DDX11: variants seen among roughly 807,000 people sequenced by gnomAD.
The protein encoded by DDX11 is DEAD/H-box helicase 11, also known as ATP-dependent DNA helicase DDX11.
DDX11 carries 72 observed loss-of-function variants against 125.2 expected under a neutral mutation model. The ratio of observed to expected loss-of-function variants is 0.58; its 90% CI spans 0.48 to 0.70. DDX11 has a LOEUF of 0.70. DDX11 is among the 30% of genes least tolerant of loss of function. The pLI is 0.00. For synonymous variants in DDX11, 347 were observed against 452.6 expected (o/e 0.77, Z 2.96); for missense variants, 883 against 1,165.0 (o/e 0.76, Z 3.52).
intron 12 of DDX11, chr12:31,094,215 G>A (rs1014674831): frequency 1.3e-4 from 42 of 328,980 alleles, no homozygotes; most frequent in Non-Finnish European, 2.0e-4. Context: ...AGCTGGTCTC[G>A]TGTTGCTGCT....
chr12:31,102,254 A>T lies in DDX11; in HGVS notation c.2214A>T (p.Glu738Asp). The T allele has an allele frequency of 1.9e-6, 3 of 1,614,006 alleles. No homozygotes were observed. Among genetic ancestry groups the T allele is most frequent in the East Asian group, 2.2e-5 (1 of 44,872 alleles). Residue 738 changes from glutamate to aspartate, a missense_variant, in exon 22 of 27, where the codon GAA becomes GAT. Glu to Asp is a conservative substitution (Grantham distance 45). Around this residue, in one of 5 missense-constraint regions of DDX11, gnomAD observed 285 missense variants for 346.0 expected, o/e 0.82. Coordinates refer to ENST00000542838, the MANE Select transcript of DDX11 (RefSeq NM_030653.4). ...TCTGTCTTTCTCAGATATTCCAGGA[A>T]CCTAAGAGCGCACACCAGGTGGAGC... The part of the protein sequence containing the change: ...RLAARKKIFQ[E>D]PKSAHQVEQV...
rs142397784 is a variant in DDX11, at chr12:31,097,979, G to T, written c.1857G>T (p.Ala619=). ...AGGAATGCCGGGCAGTGGTCATTGCGGGGGGTACCATGCAGCCGGTAAGGA... is the reference window on the plus strand; with the variant it reads ...AGGAATGCCGGGCAGTGGTCATTGCTGGGGGTACCATGCAGCCGGTAAGGA... ...VVKECRAVVI[A]GGTMQPVSDF... Residue 619 remains alanine (A), a synonymous_variant, in exon 18 of 27, where the codon GCG becomes GCT. Coordinates refer to ENST00000542838, the MANE Select transcript of DDX11 (RefSeq NM_030653.4). The T allele has an allele frequency of 3.1e-6, 5 of 1,612,662 alleles. No individual in the cohort carries two copies. The African/African-American group carries it at 5.3e-5, about 17-fold the overall frequency.
rs1344433639 is a variant in DDX11 at position 31,078,537 on chromosome 12, T to G, written c.144T>G (p.Thr48=). The G allele has an allele frequency of 6.2e-7, 1 of 1,611,918 alleles. No homozygotes were observed. The highest frequency in any genetic ancestry group is 1.7e-5 in the Admixed American group (1 of 60,008). The part of the protein sequence containing the change: ...KIGIFESPTG[T]GKSLSLICGA... ...GGATATTTGAGAGTCCAACTGGCAC[T>G]GTGAGTATGAACAGTGAGAGATACT... The change falls in exon 2 of 27, where the codon ACT becomes ACG. Residue 48 remains threonine, a splice_region_variant and synonymous_variant. Coordinates refer to ENST00000542838, the MANE Select transcript of DDX11 (RefSeq NM_030653.4).
Position 31,084,966 on chromosome 12 carries a change from C to G in DDX11, c.481-3C>G. On this transcript the variant is annotated splice_region_variant and splice_polypyrimidine_tract_variant and intron_variant, in intron 4 of 26. Coordinates refer to ENST00000542838, the MANE Select transcript of DDX11 (RefSeq NM_030653.4). ...CCTCACCACCTCCACTACCCCTGTC[C>G]AGAGGCAGGAAGAAGAAGAAAGAGA... is the stretch of plus-strand genomic sequence containing the variant. The G allele has an allele frequency of 1.2e-6, 2 of 1,603,450 alleles. No individual in the cohort carries two copies. Among genetic ancestry groups the G allele is most frequent in the Non-Finnish European group, 1.7e-6 (2 of 1,174,598 alleles).
rs149773582 is a variant in DDX11 at position 31,091,780 on chromosome 12, G to T, written c.1151G>T (p.Arg384Leu). 6.2e-7 allele frequency: 1 copy of T among 1,613,690 alleles called. No homozygotes were observed. The highest frequency in any genetic ancestry group is 1.3e-5 in the African/African-American group (1 of 74,938). Reference sequence around the variant, plus strand: ...GCCACTCGGCAGGCCGCGGGCATCCGGCTGCAGGACCAGGTGGTGATCATC... The same window carrying T: ...GCCACTCGGCAGGCCGCGGGCATCCTGCTGCAGGACCAGGTGGTGATCATC... ...HAATRQAAGI[R>L]LQDQVVIIDE... The change falls in exon 10 of 27, where the codon CGG (arginine) becomes CTG (leucine). Residue 384 changes from arginine (R) to leucine (L), a missense_variant. By Grantham distance (102) the Arg-to-Leu change is moderately radical. This residue lies in a region of DDX11 where 72 missense variants were observed against 159.7 expected (regional missense o/e 0.45). Transcript: ENST00000542838.
chr12:31,080,975 G>A (rs1335125269), intron 2 of DDX11, among the ~76,000 whole-genome samples: 1 of 151,866 alleles, frequency 6.6e-6, no homozygotes, highest in African/African-American at 2.4e-5. Flanking sequence ...AAACCCCTAG[G>A]CTCAAGCAAT....
chr12:31,075,864 A>G (rs921422478), intron 1 of DDX11, among the ~76,000 whole-genome samples: 3 of 152,246 alleles, frequency 2.0e-5, no homozygotes, highest in Admixed American at 6.5e-5. Context: ...TGAATAAATT[A>G]AATACAGAGT....
At chr12:31,098,160 A>T (rs540210909) in intron 18 of DDX11, among the ~76,000 whole-genome samples, 163 bp downstream of exon 18, 6 of 151,962 alleles carry the variant, frequency 3.9e-5, no homozygotes, top group Non-Finnish European at 8.8e-5. Flanking sequence ...CTATTCTCTC[A>T]CTGCTGTGCC....
intron 2 of DDX11, among the ~76,000 whole-genome samples, chr12:31,081,136 C>T (rs1276466520): frequency 1.3e-5 from 2 of 152,214 alleles, no homozygotes; most frequent in African/African-American, 2.4e-5. Context: ...CGTCTTCTTC[C>T]TCTGCTCAGC....
At chr12:31,091,648 T>A in intron 9 of DDX11, 71 bp from the exon 10 acceptor site, 2 of 1,506,368 alleles carry the variant, frequency 1.3e-6, no homozygotes, top group South Asian at 2.4e-5. Flanking sequence ...CATCAGGAGC[T>A]CAGTGTCAGG....
intron 18 of DDX11, among the ~76,000 whole-genome samples, chr12:31,098,247 A>G (rs1565916158): frequency 6.6e-6 from 1 of 152,246 alleles, no homozygotes; most frequent in Non-Finnish European, 1.5e-5. Context: ...TCCCAGAGAA[A>G]GCTGTTCTGT....
In DDX11 at chr12:31,084,981, GAAGA is replaced by G. The variant is rs1285062443; in HGVS notation, c.498_501del (p.Glu168IlefsTer10). On this transcript the variant is annotated frameshift_variant, in exon 5 of 27. Transcript: ENST00000542838. LOFTEE classifies it high-confidence loss of function. ...TACCCCTGTCCAGAGGCAGGAAGAA[GAAGA>G]AAGAGAGAATCTCCTCCGCCTCAGC... The G allele has an allele frequency of 3.1e-6, 5 of 1,608,232 alleles. No homozygotes were observed. The highest frequency in any genetic ancestry group is 4.2e-6 in the Non-Finnish European group (5 of 1,177,106).
intron 7 of DDX11, 124 bp downstream of exon 7, chr12:31,089,275 C>T (rs772469135): frequency 1.5e-6 from 2 of 1,338,514 alleles, no homozygotes; most frequent in Admixed American, 1.8e-5. Flanking sequence ...AGGAGCAGCC[C>T]CCTCCCTGAC....
Position 31,103,346 on chromosome 12 carries a change from G to C in DDX11, c.2487G>C (p.Gly829=), listed in dbSNP as rs763922665. The C allele has an allele frequency of 1.9e-5, 31 of 1,611,266 alleles. 1 individual carries two copies. The South Asian group carries it at 3.0e-4, about 15-fold the overall frequency. ...LPRAPGQAPP[G]KALVENLCMK... The stretch of plus-strand genomic sequence containing the variant: ...GAGCCCCCGGCCAGGCACCCCCAGG[G>C]AAGGCTCTGGTGGAGAACCTGTGCA... The change falls in exon 25 of 27, where the codon GGG becomes GGC. Residue 829 remains glycine (G), a synonymous_variant. Transcript: ENST00000542838.
At chr12:31,078,115 A>C (rs2553161) in intron 1 of DDX11, 1 of 1,111,648 alleles carries the variant, frequency 9.0e-7, no homozygotes, top group Non-Finnish European at 1.3e-6. Context: ...AAGGTATCGG[A>C]GCCACGGTGA....
Position 31,103,918 on chromosome 12 carries a change from G to T in DDX11, c.*82G>T. The T allele has an allele frequency of 1.2e-6, 2 of 1,613,748 alleles. No individual in the cohort carries two copies. The highest frequency in any genetic ancestry group is 1.7e-4 in the Middle Eastern group (1 of 5,950). On this transcript the variant is annotated 3_prime_UTR_variant, in exon 27 of 27. Transcript: ENST00000542838. Reference sequence around the variant, plus strand: ...ACAGTGTTTGTCGTGGGCGTGGTCTGCGGGGATCCTGTTACAAAGGTGAAA... The same window carrying T: ...ACAGTGTTTGTCGTGGGCGTGGTCTTCGGGGATCCTGTTACAAAGGTGAAA...
chr12:31,099,010 C>G (rs1945839329), intron 18 of DDX11, among the ~76,000 whole-genome samples: 1 of 151,190 alleles, frequency 6.6e-6, no homozygotes, highest in African/African-American at 2.4e-5. Flanking sequence ...TTGTCGTGCT[C>G]CTGGGGCGTT....
chr12:31,096,499 C>T (rs1218426815), intron 15 of DDX11, 120 bp downstream of exon 15: 1 of 1,599,854 alleles, frequency 6.3e-7, no homozygotes, highest in East Asian at 2.2e-5. Context: ...CTCCACTCTC[C>T]TTGGTGCAGT....
At chr12:31,092,763 C>T (rs3954114) in intron 10 of DDX11, 83 bp from the exon 11 acceptor site, 1 of 1,445,492 alleles carries the variant, frequency 6.9e-7, no homozygotes, top group South Asian at 1.2e-5. Flanking sequence ...TGTCCAGGGC[C>T]AGCATCTTCT....
Sources: allele counts gnomAD v4.1 joint callset (sites outside exome capture counted in the v4.1 genomes callset), GRCh38; gene constraint gnomAD v4.1.1; regional missense constraint gnomAD v4.1.1; transcripts MANE v1.5; gene names NCBI Gene and HGNC (gene_info 2026-07-23, HGNC 2026-07-21).